The following TDRD3 variants were observed in gnomAD, a reference collection of about 807,000 sequenced individuals.
TDRD3 encodes the protein tudor domain-containing protein 3.
Under a neutral mutation model 86.7 loss-of-function variants are expected in TDRD3, and 45 were observed. That is an observed-to-expected ratio of 0.52 (90% CI 0.41 to 0.67). The LOEUF is 0.67. Among genes scored for constraint, TDRD3 ranks in the 30% least tolerant of loss-of-function variants. TDRD3 has a pLI of 0.00. For missense variants in TDRD3, 814 were observed against 889.0 expected (o/e 0.92, Z 1.07); for synonymous variants, 298 against 301.7 (o/e 0.99, Z 0.13).
intron 12 of TDRD3, among the ~76,000 whole-genome samples, chr13:60,552,231 G>A (rs775791754): frequency 1.9e-4 from 29 of 152,192 alleles, no homozygotes; most frequent in Non-Finnish European, 3.1e-4. Flanking sequence ...AGATATAATG[G>A]AGGTACAGGC....
At chr13:60,431,749 T>C (rs557766608) in intron 1 of TDRD3, among the ~76,000 whole-genome samples, 1 of 145,634 alleles carries the variant, frequency 6.9e-6, no homozygotes, top group African/African-American at 2.5e-5. Flanking sequence ...ATATTTATGA[T>C]GGCAAAGAAA....
chr13:60,517,767 G>A (rs1388464772), intron 10 of TDRD3, among the ~76,000 whole-genome samples: 3 of 152,122 alleles, frequency 2.0e-5, no homozygotes, highest in African/African-American at 7.2e-5. Flanking sequence ...TGGACAACTT[G>A]TTACCTTTAA....
chr13:60,513,532 A>G (rs562995958), intron 10 of TDRD3, among the ~76,000 whole-genome samples: 1 of 152,284 alleles, frequency 6.6e-6, no homozygotes, highest in African/African-American at 2.4e-5. Flanking sequence ...TTCATGATTT[A>G]GGAGACACTA....
At chr13:60,565,112 G>A (rs544525577) in intron 12 of TDRD3, among the ~76,000 whole-genome samples, 7 of 128,274 alleles carry the variant, frequency 5.5e-5, no homozygotes, top group South Asian at 5.0e-4. Flanking sequence ...CCGGAGTGCC[G>A]TGGCACTGTC....
At chr13:60,405,845 G>T (rs1311622072) in intron 1 of TDRD3, among the ~76,000 whole-genome samples, 1 of 152,176 alleles carries the variant, frequency 6.6e-6, no homozygotes, top group African/African-American at 2.4e-5. Context: ...AAATGGAGCT[G>T]GGCAGGACTA....
At chr13:60,493,918 C>T (rs377756897) in intron 7 of TDRD3, among the ~76,000 whole-genome samples, 13 of 152,054 alleles carry the variant, frequency 8.5e-5, no homozygotes, top group South Asian at 8.3e-4. Context: ...TATATGCAGT[C>T]GGTAAGAAAT....
intron 12 of TDRD3, among the ~76,000 whole-genome samples, chr13:60,563,957 G>A (rs1368614803): frequency 6.6e-6 from 1 of 152,182 alleles, no homozygotes; most frequent in Non-Finnish European, 1.5e-5. Flanking sequence ...ATGAAGTTGT[G>A]TATCTCCTTT....
At chr13:60,547,381 C>T in intron 12 of TDRD3, 4 of 985,332 alleles carry the variant, frequency 4.1e-6, no homozygotes, top group Non-Finnish European at 4.8e-6. Context: ...ATTACTTCCA[C>T]CTCCCTTTTT....
At chr13:60,503,378 T>C (rs893044340) in intron 8 of TDRD3, among the ~76,000 whole-genome samples, 1 of 152,218 alleles carries the variant, frequency 6.6e-6, no homozygotes, top group Non-Finnish European at 1.5e-5. Context: ...GTTAAAAACA[T>C]GACTGATAAA....
chr13:60,521,177 C>T (rs931379235), intron 10 of TDRD3, among the ~76,000 whole-genome samples: 13 of 152,306 alleles, frequency 8.5e-5, no homozygotes, highest in African/African-American at 3.1e-4. Flanking sequence ...TTGCTGCAAA[C>T]TTCTCCTAAA....
chr13:60,533,004 C>T (rs181198815), intron 11 of TDRD3, among the ~76,000 whole-genome samples: 41 of 152,134 alleles, frequency 2.7e-4, no homozygotes, highest in Admixed American at 2.4e-3. Flanking sequence ...TAAGATATAG[C>T]ATGATTCAGT....
chr13:60,557,819 G>GTTTTTTTTTTTTTTT (rs1491187240), intron 12 of TDRD3, among the ~76,000 whole-genome samples: 1 of 89,934 alleles, frequency 1.1e-5, no homozygotes, highest in Non-Finnish European at 2.6e-5. Context: ...TTTTTTTCCT[G>GTTTTTTTTTTTTTTT]ATTTTTTTTT....
At chr13:60,497,120 C>T (rs765524000) in intron 8 of TDRD3, among the ~76,000 whole-genome samples, 4 of 152,166 alleles carry the variant, frequency 2.6e-5, no homozygotes, top group Non-Finnish European at 4.4e-5. Flanking sequence ...ACAGTGGACA[C>T]CCTGCTGGAT....
intron 1 of TDRD3, among the ~76,000 whole-genome samples, chr13:60,428,354 C>T (rs1954863367): frequency 6.6e-6 from 1 of 151,710 alleles, no homozygotes; most frequent in Non-Finnish European, 1.5e-5. Flanking sequence ...TTGTGGGCCA[C>T]CATTCAGGCT....
chr13:60,500,960 T>TGGGA (rs1956817714), intron 8 of TDRD3, among the ~76,000 whole-genome samples: 2 of 152,016 alleles, frequency 1.3e-5, no homozygotes, highest in African/African-American at 4.8e-5. Flanking sequence ...GTGGCCATGG[T>TGGGA]GGGAGGGAGG....
chr13:60,480,805 G>A (rs553687378), intron 5 of TDRD3, among the ~76,000 whole-genome samples: 71 of 152,160 alleles, frequency 4.7e-4, no homozygotes, highest in African/African-American at 1.7e-3. Flanking sequence ...ATTATAGCCA[G>A]CATGATGGGG....
In TDRD3 at chr13:60,478,677, T is replaced by C. The variant is rs960339823; in HGVS notation, c.496-5098T>C. Among the ~76,000 whole-genome samples the C allele has an allele frequency of 4.6e-5, 7 of 152,156 alleles. No individual in the cohort carries two copies. The East Asian group carries it at 1.3e-3, about 29-fold the overall frequency. On this transcript the variant is annotated intron_variant, in intron 5 of 13. Transcript: ENST00000377881. ...TTCCATTGATCTTTTATTTGGATTT[T>C]GGCATCTCATTTTCACTTAGTTCTC...
At chr13:60,465,708 C>CA (rs1955905617) in intron 4 of TDRD3, among the ~76,000 whole-genome samples, 1 of 151,954 alleles carries the variant, frequency 6.6e-6, no homozygotes, top group African/African-American at 2.4e-5. Context: ...TATCTTTCTC[C>CA]AAAAAAGGCC....
At chr13:60,468,794 A>G (rs896248038) in intron 5 of TDRD3, among the ~76,000 whole-genome samples, 1 of 152,226 alleles carries the variant, frequency 6.6e-6, no homozygotes, top group Non-Finnish European at 1.5e-5. Context: ...GTTATAAAAA[A>G]TACTTGTGGT....
Sources: allele counts gnomAD v4.1 joint callset (sites outside exome capture counted in the v4.1 genomes callset), GRCh38; gene constraint gnomAD v4.1.1; transcripts MANE v1.5; gene names NCBI Gene and HGNC (gene_info 2026-07-23, HGNC 2026-07-21).